The following HLTF variants were observed in gnomAD, a reference collection of about 807,000 sequenced individuals.
HLTF encodes helicase like transcription factor.
HLTF carries 127 observed loss-of-function variants against 129.4 expected under a neutral mutation model. The observed-to-expected ratio is 0.98, with a 90% CI of 0.85 to 1.14. The LOEUF (loss-of-function observed/expected upper bound fraction) is 1.14, where lower values mean the gene tolerates loss of function less well. Ranked by LOEUF, HLTF falls within the 50% of genes most tolerant of loss-of-function variation. The pLI, the probability that HLTF is intolerant of heterozygous loss-of-function variation, is 0.00. For missense variants in HLTF, 1,139 were observed against 1,187.1 expected, an observed-to-expected ratio of 0.96 and a Z score of 0.60; for synonymous variants, 332 against 388.8, an observed-to-expected ratio of 0.85 and a Z score of 1.72.
At chr3:149,034,235 T>A (rs1715377942) in intron 24 of HLTF, among the ~76,000 whole-genome samples, 1 of 152,200 alleles carries the variant, frequency 6.6e-6, no homozygotes, top group South Asian at 2.1e-4. Context: ...AGAATTCTAG[T>A]TTTCTTAACT....
chr3:149,081,411 C>A (rs1294479204), intron 2 of HLTF, among the ~76,000 whole-genome samples: 1 of 151,902 alleles, frequency 6.6e-6, no homozygotes, highest in African/African-American at 2.4e-5. Flanking sequence ...TTAAATGACT[C>A]AAATTAAGTG....
intron 16 of HLTF, among the ~76,000 whole-genome samples, 154 bp from the exon 17 acceptor site, chr3:149,048,317 A>C (rs1273517760): frequency 1.3e-5 from 2 of 152,196 alleles, no homozygotes; most frequent in East Asian, 3.8e-4. Context: ...GTTGACTATA[A>C]TCATTTATTA....
At chr3:149,079,982 A>T (rs1719734744) in intron 2 of HLTF, among the ~76,000 whole-genome samples, 1 of 152,216 alleles carries the variant, frequency 6.6e-6, no homozygotes, top group Non-Finnish European at 1.5e-5. Flanking sequence ...TCCCTAAAGC[A>T]ATCATAAGTA....
intron 17 of HLTF, among the ~76,000 whole-genome samples, 197 bp from the exon 18 acceptor site, chr3:149,046,456 G>A (rs918566744): frequency 6.6e-6 from 1 of 152,064 alleles, no homozygotes; most frequent in Non-Finnish European, 1.5e-5. Flanking sequence ...TAAAACAAAT[G>A]TATGGAAATT....
chr3:149,033,212 A>C (rs562550391), intron 24 of HLTF, among the ~76,000 whole-genome samples: 1 of 152,274 alleles, frequency 6.6e-6, no homozygotes, highest in South Asian at 2.1e-4. Flanking sequence ...AACATTGTTT[A>C]AGAAGACCCA....
chr3:149,047,127 C>T (rs1302848935), intron 17 of HLTF, among the ~76,000 whole-genome samples: 1 of 152,212 alleles, frequency 6.6e-6, no homozygotes, highest in Non-Finnish European at 1.5e-5. Flanking sequence ...CTGGCTACCA[C>T]CTTTATAATG....
intron 18 of HLTF, among the ~76,000 whole-genome samples, chr3:149,042,602 A>G (rs1368879803): frequency 6.6e-6 from 1 of 152,102 alleles, no homozygotes; most frequent in Admixed American, 6.5e-5. Flanking sequence ...GGGAAAATCA[A>G]TACCTCTCAT....
rs1348021708 is a variant in HLTF at position 149,031,053 on chromosome 3, C to T, written c.*1167G>A. 1 of 152,068 alleles carries T rather than the reference C, an allele frequency of 6.6e-6. No homozygotes were observed. Among genetic ancestry groups the T allele is most frequent in the Non-Finnish European group, 1.5e-5 (1 of 68,004 alleles). 9.4% of individuals were successfully genotyped at this position (152,068 alleles called of 1,614,324 possible). On this transcript the variant is annotated 3_prime_UTR_variant, in exon 25 of 25. Transcript: ENST00000310053. ...ATTAAAGTTTCCCTTTGAAATAAAA[C>T]CACCTACCTAATCTGACTGCTAAAT...
In HLTF at chr3:149,071,463, A is replaced by G. The variant is rs1718854289; in HGVS notation, c.703-20T>C. 1 of 1,585,134 alleles carries G rather than the reference A, an allele frequency of 6.3e-7. No homozygotes were observed. Among genetic ancestry groups the G allele is most frequent in the Admixed American group, 1.7e-5 (1 of 58,368 alleles). On this transcript the variant is annotated intron_variant, in intron 6 of 24. Coordinates refer to ENST00000310053, the MANE Select transcript of HLTF (RefSeq NM_003071.4). ...AATAGCCTATAAATAAAAAGTCATA[A>G]AGCGAAATACATTAAGCCATTCCTT...
chr3:149,039,112 G>C lies in HLTF; in HGVS notation c.2733C>G (p.Ser911=), dbSNP rs368297561. 3.1e-6 allele frequency: 5 copies of C among 1,611,614 alleles called. No homozygotes were observed. The Admixed American group carries it at 8.4e-5, about 27-fold the overall frequency. Residue 911 remains serine, a synonymous_variant, in exon 23 of 25, where the codon TCC becomes TCG. Transcript: ENST00000310053. ...TCAAACCAACTCCACCTGCTTTTAA[G>C]GACAGAAGCATTATAGTTGGAGATC... ...EAGSPTIMLL[S]LKAGGVGLNL... is the part of the protein sequence containing the mutation.
chr3:149,073,749 G>T (rs746852945), intron 4 of HLTF, among the ~76,000 whole-genome samples: 1 of 152,064 alleles, frequency 6.6e-6, no homozygotes, highest in Non-Finnish European at 1.5e-5. Flanking sequence ...TGCATTAAAA[G>T]CCTTGTATTT....
intron 3 of HLTF, among the ~76,000 whole-genome samples, chr3:149,075,126 T>C (rs1164651981): frequency 1.3e-5 from 2 of 152,202 alleles, no homozygotes; most frequent in Non-Finnish European, 1.5e-5. Flanking sequence ...TAAATTAATA[T>C]GTATAAAATG....
At chr3:149,043,560 A>C (rs149878755) in intron 18 of HLTF, among the ~76,000 whole-genome samples, 22 of 151,268 alleles carry the variant, frequency 1.5e-4, no homozygotes, top group Admixed American at 1.2e-3. Flanking sequence ...AAAAAAAAAA[A>C]AAAAAAAAAC....
chr3:149,067,924 G>A (rs543214127), intron 8 of HLTF, among the ~76,000 whole-genome samples: 24 of 152,168 alleles, frequency 1.6e-4, no homozygotes, highest in Admixed American at 1.1e-3. Context: ...CAGGTAGATG[G>A]CTTGAGCTCA....
intron 8 of HLTF, 84 bp downstream of exon 8, chr3:149,068,156 T>C (rs1018062774): frequency 4.9e-6 from 3 of 606,264 alleles, no homozygotes; most frequent in African/African-American, 3.8e-5. Context: ...ACACAATTTC[T>C]TGGTAGTTTT....
At chr3:149,073,123 G>C in intron 5 of HLTF, 102 bp downstream of exon 5, 1 of 553,882 alleles carries the variant, frequency 1.8e-6, no homozygotes, top group South Asian at 3.8e-5. Flanking sequence ...TATATTTGAA[G>C]ACCACAAATA....
chr3:149,071,459 C>A lies in HLTF; in HGVS notation c.703-16G>T. 1 of 1,597,248 alleles carries A rather than the reference C, an allele frequency of 6.3e-7. No homozygotes were observed. Among genetic ancestry groups the A allele is most frequent in the Non-Finnish European group, 8.6e-7 (1 of 1,167,764 alleles). On this transcript the variant is annotated splice_polypyrimidine_tract_variant and intron_variant, in intron 6 of 24. Coordinates refer to ENST00000310053, the MANE Select transcript of HLTF (RefSeq NM_003071.4). ...TTTCAATAGCCTATAAATAAAAAGT[C>A]ATAAAGCGAAATACATTAAGCCATT...
Position 149,043,250 on chromosome 3 carries a change from C to T in HLTF, c.2073-960G>A, listed in dbSNP as rs1016737439. ...AAAGTCACACTGAAACCAATATAAG[C>T]CAATATAAAAAAAGACTAGTCACTG... On this transcript the variant is annotated intron_variant, in intron 18 of 24. Transcript: ENST00000310053. 6.0e-5 allele frequency among the ~76,000 whole-genome samples: 9 copies of T among 150,558 alleles called. No homozygotes were observed. In the South Asian group the frequency reaches 1.7e-3, roughly 28 times the overall value.
chr3:149,047,445 T>C (rs993385629), intron 17 of HLTF, among the ~76,000 whole-genome samples: 2 of 152,038 alleles, frequency 1.3e-5, no homozygotes, highest in South Asian at 2.1e-4. Flanking sequence ...AGTTTGAGAC[T>C]AGCCTGGCCA....
Sources: allele counts gnomAD v4.1 joint callset (sites outside exome capture counted in the v4.1 genomes callset), GRCh38; gene constraint gnomAD v4.1.1; transcripts MANE v1.5; gene names NCBI Gene and HGNC (gene_info 2026-07-23, HGNC 2026-07-21).